Variants in SCHIP1 observed in about 807,000 individuals in gnomAD.
SCHIP1 encodes schwannomin interacting protein 1, also known as schwannomin-interacting protein 1.
SCHIP1 carries 8 observed loss-of-function variants against 29.7 expected under a neutral mutation model. That is an observed-to-expected ratio of 0.27 (90% CI 0.16 to 0.49). SCHIP1 has a LOEUF of 0.49. SCHIP1 is among the 20% of genes least tolerant of loss of function. SCHIP1 has a pLI of 0.99. For missense variants in SCHIP1, 193 were observed against 294.6 expected (o/e 0.66, Z 2.52); for synonymous variants, 76 against 94.9 (o/e 0.80, Z 1.16).
the SCHIP1 span, among the ~76,000 whole-genome samples, chr3:159,571,121 A>ATGGG: frequency 0.014 from 2,150 of 152,226 alleles, 34 homozygotes; most frequent in Non-Finnish European, 0.023. Context: ...TCCTAACTGA[A>ATGGG]TACCCTTTCT....
At chr3:159,372,630 A>C in the SCHIP1 span, among the ~76,000 whole-genome samples, 1 of 152,136 alleles carries the variant, frequency 6.6e-6, no homozygotes, top group African/African-American at 2.4e-5. Flanking sequence ...TATGCTTTGC[A>C]GACCACATCT....
At chr3:159,777,989 AT>A in the SCHIP1 span, among the ~76,000 whole-genome samples, 311 of 146,814 alleles carry the variant, frequency 2.1e-3, 1 homozygote, top group Middle Eastern at 0.011. Context: ...AACAGGAAAC[AT>A]TTTTTTTTTT....
chr3:159,453,154 A>C, the SCHIP1 span, among the ~76,000 whole-genome samples: 1 of 152,230 alleles, frequency 6.6e-6, no homozygotes. Flanking sequence ...AGCTGCAGGT[A>C]CAACGGCAGC....
chr3:159,635,230 C>T, the SCHIP1 span, among the ~76,000 whole-genome samples: 40 of 152,212 alleles, frequency 2.6e-4, no homozygotes, highest in African/African-American at 9.6e-4. Flanking sequence ...ACCACAACTG[C>T]CCAGGCATTA....
the SCHIP1 span, among the ~76,000 whole-genome samples, chr3:159,432,884 T>C: frequency 6.6e-6 from 1 of 152,122 alleles, no homozygotes; most frequent in African/African-American, 2.4e-5. Context: ...TGAGTCCTCT[T>C]TGATGTAGTA....
the SCHIP1 span, among the ~76,000 whole-genome samples, chr3:159,560,455 G>A: frequency 7.2e-5 from 11 of 152,242 alleles, no homozygotes; most frequent in Middle Eastern, 6.8e-3. Flanking sequence ...GACCCCTGTG[G>A]CATCTTTATG....
the SCHIP1 span, among the ~76,000 whole-genome samples, chr3:159,798,529 G>A: frequency 2.0e-5 from 3 of 152,052 alleles, no homozygotes; most frequent in South Asian, 2.1e-4. Context: ...AGGCAGAAGC[G>A]GGGGGATCAC....
At chr3:159,366,675 C>A in the SCHIP1 span, among the ~76,000 whole-genome samples, 156 of 152,276 alleles carry the variant, frequency 1.0e-3, 2 homozygotes, top group South Asian at 0.024. Flanking sequence ...CCTGTGACAG[C>A]ACAGGCAACA....
the SCHIP1 span, among the ~76,000 whole-genome samples, chr3:159,319,752 G>T: frequency 6.6e-6 from 1 of 152,106 alleles, no homozygotes. Flanking sequence ...TCCACATGTT[G>T]TTTCCTAGTT....
At chr3:159,418,574 A>T in the SCHIP1 span, among the ~76,000 whole-genome samples, 1 of 152,236 alleles carries the variant, frequency 6.6e-6, no homozygotes, top group African/African-American at 2.4e-5. Flanking sequence ...TAACATTATA[A>T]TGTTTCTTGT....
At chr3:159,870,429 A>G (rs991988805) in intron 2 of SCHIP1, among the ~76,000 whole-genome samples, 1 of 151,978 alleles carries the variant, frequency 6.6e-6, no homozygotes, top group African/African-American at 2.4e-5. Context: ...TTTATCATGA[A>G]TGGGTATTTA....
At chr3:159,741,394 G>C in the SCHIP1 span, among the ~76,000 whole-genome samples, 1 of 152,114 alleles carries the variant, frequency 6.6e-6, no homozygotes, top group African/African-American at 2.4e-5. Context: ...ACATGCACCA[G>C]TTTCATGGAA....
chr3:159,472,906 G>A, the SCHIP1 span, among the ~76,000 whole-genome samples: 7 of 152,200 alleles, frequency 4.6e-5, no homozygotes, highest in African/African-American at 1.7e-4. Flanking sequence ...GGGTTGTGAT[G>A]CAGTTGAGTC....
the SCHIP1 span, among the ~76,000 whole-genome samples, chr3:159,631,544 T>C: frequency 6.6e-6 from 1 of 152,146 alleles, no homozygotes; most frequent in African/African-American, 2.4e-5. Context: ...ACTTTGAAAA[T>C]ATTATGCTAA....
intron 6 of SCHIP1, 42 bp downstream of exon 7, chr3:159,892,232 G>A (rs1341088799): frequency 1.9e-6 from 3 of 1,611,394 alleles, no homozygotes; most frequent in Non-Finnish European, 8.5e-7. Flanking sequence ...AAAGCCCAGG[G>A]TGGTCTGAAA....
At chr3:159,394,012 C>T in the SCHIP1 span, among the ~76,000 whole-genome samples, 5 of 151,924 alleles carry the variant, frequency 3.3e-5, no homozygotes, top group Non-Finnish European at 7.4e-5. Flanking sequence ...TGTAGTTCTC[C>T]TTGAAGATGT....
At chr3:159,599,738 A>G in the SCHIP1 span, among the ~76,000 whole-genome samples, 3 of 151,960 alleles carry the variant, frequency 2.0e-5, no homozygotes, top group African/African-American at 7.3e-5. Flanking sequence ...TCTTATTGTC[A>G]TTGCGGTCTG....
the SCHIP1 span, among the ~76,000 whole-genome samples, chr3:159,654,624 AG>A: frequency 6.6e-6 from 1 of 151,992 alleles, no homozygotes; most frequent in Non-Finnish European, 1.5e-5. Context: ...TGATGAAAGC[AG>A]GTGGAAGGAG....
At chr3:159,366,397 A>G in the SCHIP1 span, among the ~76,000 whole-genome samples, 2 of 152,226 alleles carry the variant, frequency 1.3e-5, no homozygotes, top group Admixed American at 6.5e-5. Context: ...AAACTATATT[A>G]TTAGTATAGA....
Sources: gnomAD v4.1 joint callset for allele counts (sites outside exome capture counted in the v4.1 genomes callset) on GRCh38, gnomAD v4.1.1 for gene constraint, MANE v1.5 for transcripts, NCBI Gene and HGNC (gene_info 2026-07-23, HGNC 2026-07-21) for gene names.